Variants in PDZD2 observed in about 807,000 individuals in gnomAD.
PDZD2 encodes the protein PDZ domain-containing protein 2.
Under a neutral mutation model 220.7 loss-of-function variants are expected in PDZD2, and 90 were observed. The ratio of observed to expected loss-of-function variants is 0.41; its 90% CI spans 0.34 to 0.49. PDZD2 has a LOEUF of 0.49. Among genes scored for constraint, PDZD2 ranks in the 20% least tolerant of loss-of-function variants. PDZD2 has a pLI of 0.28. For missense variants in PDZD2, 3,174 were observed against 3,608.5 expected (o/e 0.88, Z 3.08); for synonymous variants, 1,375 against 1,450.5 (o/e 0.95, Z 1.18).
intron 1 of PDZD2, among the ~76,000 whole-genome samples, chr5:31,786,597 A>T (rs573992156): frequency 1.4e-4 from 21 of 152,090 alleles, no homozygotes; most frequent in African/African-American, 4.8e-4. Context: ...CAAAACTTCC[A>T]TGGTTGTGTA....
intron 10 of PDZD2, among the ~76,000 whole-genome samples, chr5:32,057,002 G>A (rs1739148836): frequency 6.6e-6 from 1 of 152,150 alleles, no homozygotes; most frequent in Non-Finnish European, 1.5e-5. Flanking sequence ...GCTGAGGCAT[G>A]AGAATAGTTT....
Position 31,986,063 on chromosome 5 carries a change from G to A in PDZD2, c.978+2407G>A, listed in dbSNP as rs867220246. On this transcript the variant is annotated intron_variant, in intron 3 of 24. Transcript: ENST00000438447. ...GCACTCCAGCTTGGGCAACAAGAGCGAAACTCTTGTCTCAAAAAAAAAAAA... is the reference window on the plus strand; with the variant it reads ...GCACTCCAGCTTGGGCAACAAGAGCAAAACTCTTGTCTCAAAAAAAAAAAA... Among the ~76,000 whole-genome samples the A allele has an allele frequency of 1.1e-4, 11 of 104,630 alleles. No homozygotes were observed. The South Asian group carries it at 1.2e-3, about 12-fold the overall frequency. The allele number at this position is 104,630 out of a possible 152,430, so 68.6% of individuals were successfully genotyped here. A position where few individuals can be genotyped will look rare whatever the true frequency, so the allele number is the denominator to read the frequency against.
chr5:31,741,055 G>A (rs1192641288), intron 1 of PDZD2, among the ~76,000 whole-genome samples: 1 of 152,146 alleles, frequency 6.6e-6, no homozygotes, highest in Non-Finnish European at 1.5e-5. Context: ...CATGCTAGTA[G>A]AAGTCTATTT....
chr5:31,716,659 C>T (rs1354598898), intron 1 of PDZD2, among the ~76,000 whole-genome samples: 2 of 152,036 alleles, frequency 1.3e-5, no homozygotes, highest in Non-Finnish European at 2.9e-5. Context: ...AAAAATTAGC[C>T]GGGTGTGGTG....
intron 1 of PDZD2, among the ~76,000 whole-genome samples, chr5:31,766,891 C>A (rs1022850170): frequency 6.6e-6 from 1 of 151,704 alleles, no homozygotes; most frequent in Non-Finnish European, 1.5e-5. Context: ...ACACACCCAG[C>A]TAATTTTTAT....
intron 2 of PDZD2, among the ~76,000 whole-genome samples, chr5:31,894,537 G>A (rs1741361451): frequency 6.6e-6 from 1 of 152,054 alleles, no homozygotes; most frequent in Admixed American, 6.6e-5. Context: ...TCTTTAAAGG[G>A]AAAATTCTCT....
intron 1 of PDZD2, among the ~76,000 whole-genome samples, chr5:31,718,754 G>A (rs1293293311): frequency 7.1e-6 from 1 of 140,542 alleles, no homozygotes; most frequent in Non-Finnish European, 1.5e-5. Flanking sequence ...AGGCTGGAGT[G>A]CAGTAGCACG....
Position 31,752,854 on chromosome 5 carries a change from T to C in PDZD2, c.-360-46035T>C, listed in dbSNP as rs145713266. Among the ~76,000 whole-genome samples the C allele has an allele frequency of 3.0e-4, 45 of 152,242 alleles. No individual in the cohort carries two copies. In the East Asian group the frequency reaches 7.9e-3, roughly 27 times the overall value. Reference sequence around the variant, plus strand: ...TGGTTGCTTCCTCCTCTGAACCCCATAGTGGTTGGTGCCTTTCTTATGCCA... The same window carrying C: ...TGGTTGCTTCCTCCTCTGAACCCCACAGTGGTTGGTGCCTTTCTTATGCCA... On this transcript the variant is annotated intron_variant, in intron 1 of 24. Transcript: ENST00000438447.
chr5:31,849,889 C>CACATATATATATATACATATATATATAT (rs1561506737), intron 2 of PDZD2, among the ~76,000 whole-genome samples: 2 of 17,770 alleles, frequency 1.1e-4, no homozygotes, highest in East Asian at 1.8e-3. Context: ...TATATATATA[C>CACATATATATATATACATATATATATAT]ACATATATAT....
intron 6 of PDZD2, among the ~76,000 whole-genome samples, chr5:32,013,808 T>A (rs1331271633): frequency 6.6e-6 from 1 of 152,086 alleles, no homozygotes; most frequent in Non-Finnish European, 1.5e-5. Context: ...TCCACCCCCA[T>A]CACAAGGCAC....
chr5:31,750,934 T>C (rs938736330), intron 1 of PDZD2, among the ~76,000 whole-genome samples: 2 of 151,944 alleles, frequency 1.3e-5, no homozygotes, highest in Non-Finnish European at 2.9e-5. Context: ...GGGATGCCAT[T>C]TGGTGGTTTT....
chr5:31,963,729 C>G (rs151162409), intron 2 of PDZD2, among the ~76,000 whole-genome samples: 55 of 152,354 alleles, frequency 3.6e-4, no homozygotes, highest in African/African-American at 1.3e-3. Context: ...GGAAGCAAAA[C>G]AAGAGTCCAA....
chr5:32,064,924 T>G lies in PDZD2; in HGVS notation c.2451+3790T>G, dbSNP rs564967941. Among the ~76,000 whole-genome samples the G allele has an allele frequency of 2.8e-4, 42 of 152,278 alleles. No homozygotes were observed. The South Asian group carries it at 8.5e-3, about 31-fold the overall frequency. On this transcript the variant is annotated intron_variant, in intron 14 of 24. Transcript: ENST00000438447. ...TGGAGGTTGCAGTGAGCCAGGATCG[T>G]GCCACTGCACACCAGCCTGGGTGAC...
rs182591471 is a variant in PDZD2, at chr5:32,000,580, G to A, written c.1254+309G>A. 1.2e-4 allele frequency among the ~76,000 whole-genome samples: 19 copies of A among 152,046 alleles called. No individual in the cohort carries two copies. The East Asian group carries it at 3.7e-3, about 29-fold the overall frequency. The stretch of plus-strand genomic sequence containing the variant: ...GTCTGGAGTGCAATGGCGCAATCTC[G>A]GCTCACCGCAACCTCCACCTTCCGG... On this transcript the variant is annotated intron_variant, in intron 5 of 24. Coordinates refer to ENST00000438447, the MANE Select transcript of PDZD2 (RefSeq NM_178140.4). This position sits in a 1 kb window ranked among gnomAD's most constrained non-coding sequence, Gnocchi z 4.5.
intron 6 of PDZD2, among the ~76,000 whole-genome samples, chr5:32,015,799 A>G (rs1171066627): frequency 7.6e-6 from 1 of 131,514 alleles, no homozygotes; most frequent in Non-Finnish European, 1.6e-5. Flanking sequence ...TAGGGTGTGA[A>G]ATGGGTGATA....
chr5:31,821,356 C>T (rs1048027101), intron 2 of PDZD2, among the ~76,000 whole-genome samples: 23 of 149,658 alleles, frequency 1.5e-4, no homozygotes, highest in Non-Finnish European at 2.7e-4. Flanking sequence ...ATTAATTTTT[C>T]TCAGTTTGTG....
chr5:31,830,332 A>ATT (rs11447724), intron 2 of PDZD2, among the ~76,000 whole-genome samples: 14,861 of 123,548 alleles, frequency 0.12, 1,049 homozygotes, highest in Middle Eastern at 0.2. Flanking sequence ...CGCCCAGCTA[A>ATT]TTTTTTTTTT....
intron 2 of PDZD2, among the ~76,000 whole-genome samples, chr5:31,910,798 G>A (rs1256115284): frequency 2.0e-5 from 3 of 151,964 alleles, no homozygotes; most frequent in South Asian, 2.1e-4. Flanking sequence ...CCAAAGTGCC[G>A]GGATTACAGG....
chr5:32,063,329 C>T (rs13360341), intron 14 of PDZD2, among the ~76,000 whole-genome samples: 3,361 of 152,214 alleles, frequency 0.022, 145 homozygotes, highest in African/African-American at 0.077. Context: ...CCACCACGCC[C>T]GGTCTGAGAA....
Sources: allele counts gnomAD v4.1 joint callset (sites outside exome capture counted in the v4.1 genomes callset), GRCh38; gene constraint gnomAD v4.1.1; non-coding constraint Gnocchi (gnomAD v3.1); transcripts MANE v1.5; gene names NCBI Gene and HGNC (gene_info 2026-07-23, HGNC 2026-07-21).